Variants in BAALC observed in about 807,000 individuals in gnomAD.
BAALC encodes brain and acute leukemia cytoplasmic protein.
In BAALC, 9 loss-of-function variants were observed where a neutral mutation model predicts 15.5. The ratio of observed to expected loss-of-function variants is 0.58; its 90% confidence interval spans 0.35 to 1.02. The LOEUF is 1.02. Ranked by LOEUF, BAALC falls within the 50% of genes least tolerant of loss-of-function variation. The pLI is 0.02. For synonymous variants in BAALC, 80 were observed against 74.6 expected, an observed-to-expected ratio of 1.07 and a Z score of -0.37; for missense variants, 201 against 192.4, an observed-to-expected ratio of 1.04 and a Z score of -0.27.
chr8:103,183,367 C>T lies in BAALC; in HGVS notation c.161-29552C>T, dbSNP rs1357856313. 7.1e-6 allele frequency: 5 copies of T among 702,848 alleles called. No individual in the cohort carries two copies. The South Asian group carries it at 7.4e-5, about 10-fold the overall frequency. 43.5% of individuals were successfully genotyped at this position (702,848 alleles called of 1,614,324 possible). A position where few individuals can be genotyped will look rare whatever the true frequency, so the allele number is the denominator to read the frequency against. ...TTATTTTCCTGGTTTTGCCCATTAGCCCATTACCCTCTTGCCTTTGCACTT... is the reference window on the plus strand; with the variant it reads ...TTATTTTCCTGGTTTTGCCCATTAGTCCATTACCCTCTTGCCTTTGCACTT... On this transcript the variant is annotated intron_variant, in intron 1 of 2. Coordinates refer to ENST00000309982, the MANE Select transcript of BAALC (RefSeq NM_024812.3).
At chr8:103,168,610 T>G (rs921083062) in intron 1 of BAALC, among the ~76,000 whole-genome samples, 1 of 152,138 alleles carries the variant, frequency 6.6e-6, no homozygotes, top group Non-Finnish European at 1.5e-5. Flanking sequence ...TTAGGAATTC[T>G]ATCACAATTT....
At chr8:103,158,848 G>A (rs773987012) in intron 1 of BAALC, among the ~76,000 whole-genome samples, 1 of 152,074 alleles carries the variant, frequency 6.6e-6, no homozygotes, top group Non-Finnish European at 1.5e-5. Flanking sequence ...TTGACCACAG[G>A]TAACTGAGAC....
chr8:103,215,711 A>G (rs1172100516), intron 2 of BAALC, among the ~76,000 whole-genome samples: 2 of 152,202 alleles, frequency 1.3e-5, no homozygotes, highest in South Asian at 2.1e-4. Context: ...CATCATACTG[A>G]CTAATATCCC....
rs1358815991 is a variant in BAALC, at chr8:103,194,139, A to T, written c.161-18780A>T. 2.6e-5 allele frequency among the ~76,000 whole-genome samples: 4 copies of T among 152,136 alleles called. No homozygotes were observed. In the East Asian group the frequency reaches 7.7e-4, roughly 29 times the overall value. The stretch of plus-strand genomic sequence containing the variant: ...TGAAGCAGGGAGAGATTTTCCCCAA[A>T]TCTTCTTTCCCTGATACCACTCTTC... On this transcript the variant is annotated intron_variant, in intron 1 of 2. Coordinates refer to ENST00000309982, the MANE Select transcript of BAALC (RefSeq NM_024812.3).
chr8:103,181,922 G>A (rs7817115), intron 1 of BAALC, among the ~76,000 whole-genome samples: 71,955 of 151,950 alleles, frequency 0.47, 17,287 homozygotes, highest in African/African-American at 0.54. Context: ...CTGAACATAA[G>A]AAATGTATTC....
At position 103,228,008 on chromosome 8, in the gene BAALC, G is replaced by A; in HGVS notation, c.347G>A (p.Arg116Lys). Residue 116 changes from arginine (R) to lysine (K), a missense_variant, in exon 3 of 3, where the codon AGA becomes AAA. Coordinates refer to ENST00000309982, the MANE Select transcript of BAALC (RefSeq NM_024812.3). The part of the protein sequence containing the change: ...QTTEAKRDAK[R>K]MPAKEVTINV... ...TAACAGGCTAAAAGAGATGCTAAGA[G>A]AATGCCTGCAAAAGAAGTCACCATT... 1 of 1,613,106 alleles carries A rather than the reference G, an allele frequency of 6.2e-7. No individual in the cohort carries two copies. The highest frequency in any genetic ancestry group is 1.1e-5 in the South Asian group (1 of 91,002).
intron 1 of BAALC, among the ~76,000 whole-genome samples, chr8:103,162,959 A>G (rs1360095016): frequency 6.6e-6 from 1 of 152,194 alleles, no homozygotes; most frequent in Non-Finnish European, 1.5e-5. Context: ...GGGTCCAGAT[A>G]GATTCCTGCA....
intron 1 of BAALC, among the ~76,000 whole-genome samples, chr8:103,158,496 C>T (rs1299735733): frequency 6.6e-6 from 1 of 152,056 alleles, no homozygotes; most frequent in Non-Finnish European, 1.5e-5. Context: ...TTTTCTTTGG[C>T]ATATCAGAAT....
At chr8:103,205,559 T>C (rs1268698803) in intron 1 of BAALC, among the ~76,000 whole-genome samples, 3 of 151,442 alleles carry the variant, frequency 2.0e-5, no homozygotes, top group African/African-American at 7.3e-5. Flanking sequence ...TAGATAGATC[T>C]ATATATATCT....
chr8:103,192,357 C>A (rs1241753271), intron 1 of BAALC, among the ~76,000 whole-genome samples: 1 of 152,184 alleles, frequency 6.6e-6, no homozygotes, highest in African/African-American at 2.4e-5. Flanking sequence ...CGGCCAACTA[C>A]TTAATTATTG....
At chr8:103,142,157 G>C (rs1209169219) in intron 1 of BAALC, among the ~76,000 whole-genome samples, 1 of 152,210 alleles carries the variant, frequency 6.6e-6, no homozygotes, top group African/African-American at 2.4e-5. Flanking sequence ...TATGGAAGAG[G>C]AAGGAAATGC....
At chr8:103,224,680 G>C (rs1812763747) in intron 2 of BAALC, among the ~76,000 whole-genome samples, 1 of 151,960 alleles carries the variant, frequency 6.6e-6, no homozygotes, top group Non-Finnish European at 1.5e-5. Flanking sequence ...ATCTGGAAAG[G>C]AAGGAAGGAA....
At chr8:103,141,210 G>A in intron 1 of BAALC, 153 bp downstream of exon 1, 1 of 874,412 alleles carries the variant, frequency 1.1e-6, no homozygotes, top group Non-Finnish European at 1.6e-6. Context: ...CTGATCAGTG[G>A]ACAGATGCAA....
intron 1 of BAALC, among the ~76,000 whole-genome samples, chr8:103,159,893 G>A (rs1262757717): frequency 6.6e-6 from 1 of 152,176 alleles, no homozygotes; most frequent in African/African-American, 2.4e-5. Context: ...TAGGCTGCTT[G>A]TTGCTACTGG....
chr8:103,195,106 T>A (rs910833521), intron 1 of BAALC, among the ~76,000 whole-genome samples: 4 of 152,142 alleles, frequency 2.6e-5, no homozygotes, highest in Admixed American at 2.6e-4. Flanking sequence ...GACCTTCTAG[T>A]CCCAGAATCA....
intron 1 of BAALC, among the ~76,000 whole-genome samples, chr8:103,162,337 C>G (rs1811245089): frequency 6.6e-6 from 1 of 152,188 alleles, no homozygotes; most frequent in East Asian, 1.9e-4. Context: ...TTTTGAAAAG[C>G]AAAAAGTCTA....
chr8:103,150,476 T>A (rs973075887), intron 1 of BAALC, among the ~76,000 whole-genome samples: 1 of 152,140 alleles, frequency 6.6e-6, no homozygotes, highest in African/African-American at 2.4e-5. Flanking sequence ...CTGGTACCAC[T>A]CCATAGGCTT....
intron 1 of BAALC, among the ~76,000 whole-genome samples, chr8:103,171,141 G>T (rs1256850450): frequency 6.6e-6 from 1 of 150,774 alleles, no homozygotes; most frequent in Non-Finnish European, 1.5e-5. Flanking sequence ...GAGAAGGAGA[G>T]AAGGGAAGAG....
At chr8:103,222,994 A>T (rs1431324208) in intron 2 of BAALC, among the ~76,000 whole-genome samples, 2 of 152,158 alleles carry the variant, frequency 1.3e-5, no homozygotes, top group African/African-American at 4.8e-5. Flanking sequence ...GGTTTCTGGG[A>T]TGTGGGACTT....
Sources: gnomAD v4.1 joint callset for allele counts (sites outside exome capture counted in the v4.1 genomes callset) on GRCh38, gnomAD v4.1.1 for gene constraint, MANE v1.5 for transcripts, NCBI Gene and HGNC (gene_info 2026-07-23, HGNC 2026-07-21) for gene names.